The following PRELID3A variants were observed in gnomAD, a reference collection of about 807,000 sequenced individuals.
The protein encoded by PRELID3A is PRELI domain containing 3A, also known as PRELI domain containing protein 3A.
Under a neutral mutation model 23.0 loss-of-function variants are expected in PRELID3A, and 27 were observed. The observed-to-expected ratio is 1.17, with a 90% CI of 0.87 to 1.62. The LOEUF (loss-of-function observed/expected upper bound fraction) is 1.62. PRELID3A is among the 40% of genes most tolerant of loss of function. PRELID3A has a pLI of 0.00. For synonymous variants in PRELID3A, 87 were observed against 86.4 expected (o/e 1.01, Z -0.04); for missense variants, 231 against 231.4 (o/e 1.00, Z 0.01).
At chr18:12,412,596 C>A (rs1204624922) in intron 1 of PRELID3A, among the ~76,000 whole-genome samples, 2 of 152,168 alleles carry the variant, frequency 1.3e-5, no homozygotes, top group Non-Finnish European at 2.9e-5. Context: ...ACCATTTATT[C>A]TTTTTCTTAT....
intron 3 of PRELID3A, among the ~76,000 whole-genome samples, chr18:12,424,041 G>T (rs1235431564): frequency 1.3e-5 from 2 of 152,216 alleles, no homozygotes; most frequent in African/African-American, 4.8e-5. Context: ...GCAGGATAGA[G>T]CCTAGCTCCT....
intron 1 of PRELID3A, among the ~76,000 whole-genome samples, chr18:12,415,996 T>C (rs908826340): frequency 6.6e-6 from 1 of 152,254 alleles, no homozygotes; most frequent in Non-Finnish European, 1.5e-5. Context: ...AGGAGGCTCC[T>C]GCCGCCTGGT....
intron 6 of PRELID3A, among the ~76,000 whole-genome samples, chr18:12,429,908 C>G (rs904265853): frequency 6.6e-6 from 1 of 152,362 alleles, no homozygotes; most frequent in Non-Finnish European, 1.5e-5. Context: ...GCAGTGGAAG[C>G]CTTTCTGGCG....
chr18:12,417,422 C>T (rs1437103290), intron 1 of PRELID3A, among the ~76,000 whole-genome samples: 1 of 152,218 alleles, frequency 6.6e-6, no homozygotes, highest in African/African-American at 2.4e-5. Context: ...GATCTGCCCG[C>T]CTCAGCCTCC....
chr18:12,410,227 T>A (rs1291970200), intron 1 of PRELID3A, among the ~76,000 whole-genome samples: 2 of 152,222 alleles, frequency 1.3e-5, no homozygotes, highest in Admixed American at 1.3e-4. Flanking sequence ...GCCCGGCGCC[T>A]AGCAGGTGCT....
chr18:12,408,413 A>T (rs1298940094), intron 1 of PRELID3A, among the ~76,000 whole-genome samples: 8 of 152,008 alleles, frequency 5.3e-5, no homozygotes. Context: ...AGAGGCCTGC[A>T]AGCTGGCGCC....
chr18:12,429,127 CT>C (rs2030475207), intron 5 of PRELID3A, among the ~76,000 whole-genome samples: 2 of 152,268 alleles, frequency 1.3e-5, no homozygotes, highest in African/African-American at 4.8e-5. Flanking sequence ...AAGCCGGGCG[CT>C]GGTTTGCTAA....
intron 1 of PRELID3A, among the ~76,000 whole-genome samples, chr18:12,409,654 G>A (rs1189461472): frequency 6.6e-6 from 1 of 152,124 alleles, no homozygotes; most frequent in African/African-American, 2.4e-5. Flanking sequence ...GCTGTGGACA[G>A]TTAAGTCATT....
At chr18:12,417,196 T>C (rs1478780127) in intron 1 of PRELID3A, among the ~76,000 whole-genome samples, 2 of 152,090 alleles carry the variant, frequency 1.3e-5, no homozygotes, top group African/African-American at 4.8e-5. Context: ...ATTTTTGAGA[T>C]GGAGCCTTGC....
intron 3 of PRELID3A, among the ~76,000 whole-genome samples, chr18:12,422,728 T>C (rs34949083): frequency 0.13 from 19,305 of 152,168 alleles, 1,537 homozygotes; most frequent in East Asian, 0.37. Flanking sequence ...AAATGTATAT[T>C]GGCCTAATGC....
rs751026691 is a variant in PRELID3A, at chr18:12,420,319, C to A, written c.33-6C>A. 5.4e-5 allele frequency: 86 copies of A among 1,602,322 alleles called. 1 individual carries two copies. In the Middle Eastern group the frequency reaches 4.8e-3, roughly 89 times the overall value. On this transcript the variant is annotated splice_region_variant and splice_polypyrimidine_tract_variant and intron_variant, in intron 1 of 6. Transcript: ENST00000440960. The stretch of plus-strand genomic sequence containing the variant: ...TTGCTCACCGCCGCCTATGCTCTCC[C>A]CGCAGCCACCCGTGGGACACGGTCA...
chr18:12,418,547 T>C (rs2143348939), intron 1 of PRELID3A, among the ~76,000 whole-genome samples: 1 of 152,338 alleles, frequency 6.6e-6, no homozygotes, highest in East Asian at 1.9e-4. Context: ...TGTGCACACA[T>C]CTGGGCTTGC....
At position 12,407,988 on chromosome 18, in the gene PRELID3A, A is replaced by G; in HGVS notation, c.13A>G (p.Ser5Gly). ...TGCGCCGGCGGCAATGAAGATCTGG[A>G]GCTCGGAGCACGTGTTTGGGTGAGG... is the stretch of plus-strand genomic sequence containing the variant. The part of the protein sequence containing the change: MKIW[S>G]SEHVFGHPWD... The change falls in exon 1 of 7, where the codon AGC becomes GGC. Residue 5 changes from serine to glycine, a missense_variant. Transcript: ENST00000440960. The G allele has an allele frequency of 7.7e-7, 1 of 1,299,716 alleles. No individual in the cohort carries two copies. Among genetic ancestry groups the G allele is most frequent in the South Asian group, 2.5e-5 (1 of 40,432 alleles). 80.5% of individuals were successfully genotyped at this position (1,299,716 alleles called of 1,614,324 possible). A position where few individuals can be genotyped will look rare whatever the true frequency, so the allele number is the denominator to read the frequency against.
chr18:12,420,857 G>A (rs1323470442), intron 2 of PRELID3A, among the ~76,000 whole-genome samples: 1 of 151,644 alleles, frequency 6.6e-6, no homozygotes, highest in Admixed American at 6.6e-5. Context: ...TCTGCCTGGC[G>A]CGTGGCGTCT....
intron 1 of PRELID3A, among the ~76,000 whole-genome samples, chr18:12,416,488 C>CTGTTTT (rs949194513): frequency 6.6e-5 from 10 of 152,082 alleles, no homozygotes; most frequent in Admixed American, 5.2e-4. Flanking sequence ...TTAATGTTTT[C>CTGTTTT]TGTTTTTGTA....
At position 12,407,932 on chromosome 18, in the gene PRELID3A, G is replaced by C. The variant is rs534189792; in HGVS notation, c.-44G>C. ...CGCGCCCGGAGCCGCGCGGCCCGAA[G>C]CACCCGGCCCGGATCGCAGAGCCCG... On this transcript the variant is annotated 5_prime_UTR_variant, in exon 1 of 7. Coordinates refer to ENST00000440960, the MANE Select transcript of PRELID3A (RefSeq NM_001142405.2). 4,328 of 1,278,268 alleles carry C rather than the reference G, an allele frequency of 3.4e-3. 28 individuals are homozygous for C. The highest frequency in any genetic ancestry group is 3.0e-3 in the Non-Finnish European group (3,059 of 1,015,700). 79.2% of individuals were successfully genotyped at this position (1,278,268 alleles called of 1,614,324 possible). A position where few individuals can be genotyped will look rare whatever the true frequency, so the allele number is the denominator to read the frequency against.
chr18:12,409,877 T>C (rs1909854478), intron 1 of PRELID3A, among the ~76,000 whole-genome samples: 1 of 152,212 alleles, frequency 6.6e-6, no homozygotes, highest in Non-Finnish European at 1.5e-5. Flanking sequence ...CATAAAATTA[T>C]ACACATTTTA....
At chr18:12,425,306 C>T (rs1044625398) in intron 3 of PRELID3A, among the ~76,000 whole-genome samples, 3 of 151,776 alleles carry the variant, frequency 2.0e-5, no homozygotes, top group South Asian at 2.1e-4. Flanking sequence ...CTCTAGAGCT[C>T]GAGTGTTTAA....
At chr18:12,430,742 TGTG>T (rs1298542989) in intron 6 of PRELID3A, among the ~76,000 whole-genome samples, 2 of 144,116 alleles carry the variant, frequency 1.4e-5, no homozygotes, top group Non-Finnish European at 3.1e-5. Flanking sequence ...TGTGTATGTG[TGTG>T]GTGTGTGTGC....
Sources: gnomAD v4.1 joint callset for allele counts (sites outside exome capture counted in the v4.1 genomes callset) on GRCh38, gnomAD v4.1.1 for gene constraint, MANE v1.5 for transcripts, NCBI Gene and HGNC (gene_info 2026-07-23, HGNC 2026-07-21) for gene names.